Variants in SNTG2 observed in about 807,000 individuals in gnomAD.
SNTG2 encodes the protein syntrophin gamma 2, also known as gamma-2-syntrophin.
A neutral mutation model predicts 70.9 loss-of-function variants in SNTG2; 74 were observed. That is an observed-to-expected ratio of 1.04 (90% CI 0.86 to 1.27). SNTG2 has a LOEUF of 1.27. Ranked by LOEUF, SNTG2 falls within the 50% of genes most tolerant of loss-of-function variation. SNTG2 has a pLI of 0.00. For synonymous variants in SNTG2, 278 were observed against 273.8 expected (o/e 1.02, Z -0.15); for missense variants, 717 against 690.7 (o/e 1.04, Z -0.43).
chr2:1,293,004 T>C (rs947311220), intron 14 of SNTG2, among the ~76,000 whole-genome samples: 1 of 152,202 alleles, frequency 6.6e-6, no homozygotes, highest in African/African-American at 2.4e-5. Flanking sequence ...AGGTTTTTGA[T>C]TATAGGTTCA....
chr2:1,169,588 T>A (rs5024304), intron 7 of SNTG2, among the ~76,000 whole-genome samples: 1 of 151,866 alleles, frequency 6.6e-6, no homozygotes, highest in South Asian at 2.1e-4. Flanking sequence ...TGCCTGAGCC[T>A]GTGGGGCCGG....
chr2:1,167,257 C>CT (rs2147865304), intron 7 of SNTG2, among the ~76,000 whole-genome samples: 1 of 150,144 alleles, frequency 6.7e-6, no homozygotes, highest in African/African-American at 2.4e-5. Flanking sequence ...GAACTGAAAC[C>CT]AACAAGCCGC....
intron 14 of SNTG2, among the ~76,000 whole-genome samples, chr2:1,277,384 G>A (rs1182791499): frequency 6.6e-6 from 1 of 152,170 alleles, no homozygotes; most frequent in Non-Finnish European, 1.5e-5. Context: ...ATCCAGGCAA[G>A]GTCCTCCCTC....
At chr2:1,196,037 T>C (rs891070997) in intron 8 of SNTG2, among the ~76,000 whole-genome samples, 2 of 152,178 alleles carry the variant, frequency 1.3e-5, no homozygotes, top group Non-Finnish European at 2.9e-5. Context: ...CATGCATAAC[T>C]CAAACTTTGC....
intron 11 of SNTG2, among the ~76,000 whole-genome samples, chr2:1,243,335 G>C (rs140928627): frequency 7.8e-4 from 119 of 152,304 alleles, no homozygotes; most frequent in Middle Eastern, 3.4e-3. Flanking sequence ...AGGGAGGTGG[G>C]TGTACAGCTC....
chr2:1,097,102 C>CA lies in SNTG2; in HGVS notation c.211-1093dup, dbSNP rs1223536907. Among the ~76,000 whole-genome samples, 1 of 152,216 alleles carries CA rather than the reference C, an allele frequency of 6.6e-6. No homozygotes were observed. The highest frequency in any genetic ancestry group is 2.4e-5 in the African/African-American group (1 of 41,466). On this transcript the variant is annotated intron_variant, in intron 2 of 16. Coordinates refer to ENST00000308624, the MANE Select transcript of SNTG2 (RefSeq NM_018968.4). This position sits in a 1 kb window ranked among gnomAD's most constrained non-coding sequence, Gnocchi z 4.1. The stretch of plus-strand genomic sequence containing the variant: ...ATTAAAGTATTATTTGCTGTGTCCC[C>CA]ATATACACACTTTAACACAGGTATA...
At chr2:1,215,381 T>G (rs753954939) in intron 9 of SNTG2, among the ~76,000 whole-genome samples, 2 of 152,202 alleles carry the variant, frequency 1.3e-5, no homozygotes, top group Non-Finnish European at 2.9e-5. Flanking sequence ...TTTTCTTTGA[T>G]GAAAGATTTA....
intron 6 of SNTG2, chr2:1,159,255 G>C (rs1558470821): frequency 6.6e-6 from 1 of 150,862 alleles, no homozygotes; most frequent in African/African-American, 2.5e-5. Context: ...GTGTATGCAG[G>C]TGTGTGTGCA....
At position 1,286,367 on chromosome 2, in the gene SNTG2, A is replaced by G. The variant is rs186497316; in HGVS notation, c.1284+18796A>G. Among the ~76,000 whole-genome samples, 16 of 152,330 alleles carry G rather than the reference A, an allele frequency of 1.1e-4. No individual in the cohort carries two copies. The East Asian group carries it at 3.1e-3, about 29-fold the overall frequency. ...CTGGAGAACTTTGCCCCTTCCCTGC[A>G]AAGTATTGTCACCTAGTTGGCATTG... is the stretch of plus-strand genomic sequence containing the variant. On this transcript the variant is annotated intron_variant, in intron 14 of 16. Coordinates refer to ENST00000308624, the MANE Select transcript of SNTG2 (RefSeq NM_018968.4).
chr2:1,241,896 C>T (rs150531798), intron 11 of SNTG2, among the ~76,000 whole-genome samples: 1 of 152,150 alleles, frequency 6.6e-6, no homozygotes, highest in African/African-American at 2.4e-5. Context: ...ACCTGATAAC[C>T]CTGACCAAAC....
At chr2:958,647 A>G (rs570506018) in intron 1 of SNTG2, among the ~76,000 whole-genome samples, 1 of 152,352 alleles carries the variant, frequency 6.6e-6, no homozygotes, top group South Asian at 2.1e-4. Context: ...GGTATTGAGA[A>G]CATGAATTTG....
At chr2:1,281,917 G>C (rs1679566073) in intron 14 of SNTG2, among the ~76,000 whole-genome samples, 1 of 152,154 alleles carries the variant, frequency 6.6e-6, no homozygotes, top group South Asian at 2.1e-4. Flanking sequence ...CCTCAAGCCC[G>C]GGAGGAGGTG....
At chr2:1,264,753 A>T (rs9678860) in intron 13 of SNTG2, among the ~76,000 whole-genome samples, 1 of 151,892 alleles carries the variant, frequency 6.6e-6, no homozygotes, top group African/African-American at 2.4e-5. Context: ...TAGAGATAGG[A>T]TCTTGCTGTG....
At chr2:1,234,154 A>G (rs1676453979) in intron 9 of SNTG2, among the ~76,000 whole-genome samples, 1 of 152,154 alleles carries the variant, frequency 6.6e-6, no homozygotes, top group Non-Finnish European at 1.5e-5. Context: ...GAAACCGTGA[A>G]ACTCGGAGGA....
At chr2:1,243,938 A>G (rs1398258433) in intron 11 of SNTG2, among the ~76,000 whole-genome samples, 1 of 152,134 alleles carries the variant, frequency 6.6e-6, no homozygotes, top group East Asian at 1.9e-4. Flanking sequence ...AGGCAGGAGA[A>G]TCGCTTCAAC....
At chr2:1,262,697 C>CCAGACGAGGCAACCCGAAGGCTCCGTG (rs1558610830) in intron 13 of SNTG2, 12 of 137,816 alleles carry the variant, frequency 8.7e-5, no homozygotes, top group Non-Finnish European at 1.3e-4. Flanking sequence ...AAGGCTCCGT[C>CCAGACGAGGCAACCCGAAGGCTCCGTG]CAGACGAGGC....
At chr2:1,167,782 A>G (rs376775441) in intron 7 of SNTG2, among the ~76,000 whole-genome samples, 3,016 of 84,998 alleles carry the variant, frequency 0.035, 30 homozygotes, top group East Asian at 0.094. Context: ...GCAGAACTGA[A>G]GCCTACAGGC....
chr2:1,155,383 G>A (rs1010427401), intron 6 of SNTG2, among the ~76,000 whole-genome samples: 10 of 151,812 alleles, frequency 6.6e-5, no homozygotes, highest in Non-Finnish European at 1.2e-4. Context: ...ACAGACACGT[G>A]TACACATACA....
Position 1,102,387 on chromosome 2 carries a change from C to T in SNTG2, c.325+3977C>T, listed in dbSNP as rs79549250. Among the ~76,000 whole-genome samples, 272 of 152,222 alleles carry T rather than the reference C, an allele frequency of 1.8e-3. 2 individuals carry two copies. Among genetic ancestry groups the T allele is most frequent in the East Asian group, 0.012 (62 of 5,182 alleles). On this transcript the variant is annotated intron_variant, in intron 4 of 16. Transcript: ENST00000308624. Reference sequence around the variant, plus strand: ...CAGTGCAGGGTGCAGGAGGGGCTGCCGTGCCCTGCCCTTCTGGGATTTTGG... The same window carrying T: ...CAGTGCAGGGTGCAGGAGGGGCTGCTGTGCCCTGCCCTTCTGGGATTTTGG...
Sources: allele counts gnomAD v4.1 joint callset (sites outside exome capture counted in the v4.1 genomes callset), GRCh38; gene constraint gnomAD v4.1.1; non-coding constraint Gnocchi (gnomAD v3.1); transcripts MANE v1.5; gene names NCBI Gene and HGNC (gene_info 2026-07-23, HGNC 2026-07-21).